Variants in LINGO2 observed in about 807,000 individuals in gnomAD.
LINGO2 encodes leucine-rich repeat and immunoglobulin-like domain-containing nogo receptor-interacting protein 2.
A neutral mutation model predicts 30.6 loss-of-function variants in LINGO2; 14 were observed. That is an observed-to-expected ratio of 0.46 (90% CI 0.30 to 0.72). The LOEUF is 0.72. Among genes scored for constraint, LINGO2 ranks in the 30% least tolerant of loss-of-function variants. The probability of loss-of-function intolerance (pLI) is 0.07; values close to 1 mark genes in which losing one functional copy is unlikely to be tolerated. For synonymous variants in LINGO2, 317 were observed against 288.5 expected (o/e 1.10, Z -1.00); for missense variants, 729 against 751.7 (o/e 0.97, Z 0.35).
chr9:28,301,564 C>T (rs1587421696), intron 3 of LINGO2, among the ~76,000 whole-genome samples: 1 of 152,114 alleles, frequency 6.6e-6, no homozygotes, highest in African/African-American at 2.4e-5. Flanking sequence ...CTAGATTACA[C>T]TTAGACACAC....
chr9:28,610,267 G>A (rs1825860360), intron 1 of LINGO2, among the ~76,000 whole-genome samples: 1 of 152,076 alleles, frequency 6.6e-6, no homozygotes, highest in East Asian at 1.9e-4. Flanking sequence ...AGTAAATGAA[G>A]GCAGGAAAAT....
chr9:29,092,366 G>T, the LINGO2 span, among the ~76,000 whole-genome samples: 1 of 151,892 alleles, frequency 6.6e-6, no homozygotes, highest in Non-Finnish European at 1.5e-5. Flanking sequence ...CCCAAAAAAG[G>T]ATATTCTACA....
the LINGO2 span, among the ~76,000 whole-genome samples, chr9:28,717,172 G>T: frequency 6.6e-6 from 1 of 151,860 alleles, no homozygotes; most frequent in East Asian, 1.9e-4. Flanking sequence ...GAAAACTGCA[G>T]ACTAATGGCT....
chr9:28,785,038 T>C, the LINGO2 span, among the ~76,000 whole-genome samples: 2 of 152,044 alleles, frequency 1.3e-5, no homozygotes, highest in East Asian at 3.9e-4. Flanking sequence ...ATGTGGATTG[T>C]TCTACATACA....
intron 3 of LINGO2, among the ~76,000 whole-genome samples, chr9:28,346,637 T>G (rs570862766): frequency 1.3e-5 from 2 of 152,328 alleles, no homozygotes; most frequent in East Asian, 1.9e-4. Flanking sequence ...ATGGTTGAAC[T>G]AATTTATAAT....
At position 28,191,197 on chromosome 9, in the gene LINGO2, A is replaced by T. The variant is rs551406212; in HGVS notation, c.-87+104011T>A. Among the ~76,000 whole-genome samples, 4 of 152,340 alleles carry T rather than the reference A, an allele frequency of 2.6e-5. No homozygotes were observed. In the South Asian group the frequency reaches 8.3e-4, roughly 32 times the overall value. On this transcript the variant is annotated intron_variant, in intron 4 of 5. Coordinates refer to ENST00000379992, the Ensembl canonical transcript of LINGO2. The stretch of plus-strand genomic sequence containing the variant: ...AGGCAAGCTGGGCTTTCTGACAAGA[A>T]ACATTTTTGTGTAAAAATAAATGAA...
At chr9:28,869,879 C>T in the LINGO2 span, among the ~76,000 whole-genome samples, 1 of 151,940 alleles carries the variant, frequency 6.6e-6, no homozygotes, top group Non-Finnish European at 1.5e-5. Flanking sequence ...TCGTTTTACA[C>T]CCTACCCTGC....
At chr9:28,708,260 G>T in the LINGO2 span, among the ~76,000 whole-genome samples, 1 of 152,082 alleles carries the variant, frequency 6.6e-6, no homozygotes, top group African/African-American at 2.4e-5. Flanking sequence ...GAAAAGCACA[G>T]AATTCAGCTA....
chr9:27,949,220 G>T lies in LINGO2; in HGVS notation c.1452C>A (p.Ile484=), dbSNP rs150860330. ...TATCATTCCCAGCAGCATTGCTAGC[G>T]ATGCAAACATACATCCCGCTGTCTT... The change falls in exon 6 of 6, where the codon ATC becomes ATA. Residue 484 remains isoleucine (I), a synonymous_variant. Transcript: ENST00000379992. 1.9e-6 allele frequency: 3 copies of T among 1,613,920 alleles called. No homozygotes were observed. The African/African-American group carries it at 4.0e-5, about 22-fold the overall frequency.
chr9:29,167,656 T>C, the LINGO2 span, among the ~76,000 whole-genome samples: 9 of 152,122 alleles, frequency 5.9e-5, no homozygotes, highest in African/African-American at 2.2e-4. Flanking sequence ...CTTAAAGCCA[T>C]TAGAATCCTG....
the LINGO2 span, among the ~76,000 whole-genome samples, chr9:29,054,914 C>T: frequency 2.6e-5 from 4 of 151,982 alleles, no homozygotes; most frequent in Non-Finnish European, 5.9e-5. Flanking sequence ...AACTAGACTT[C>T]GATCTTTTAA....
chr9:28,670,837 A>G (rs1041495057), upstream of LINGO2, among the ~76,000 whole-genome samples: 1 of 152,134 alleles, frequency 6.6e-6, no homozygotes. Flanking sequence ...ATCATTTCCT[A>G]CATTTTATGA....
intron 2 of LINGO2, among the ~76,000 whole-genome samples, chr9:28,451,780 G>A (rs1006003059): frequency 6.6e-6 from 1 of 151,668 alleles, no homozygotes; most frequent in Non-Finnish European, 1.5e-5. Context: ...GCTACACCCA[G>A]TAGCCTACTA....
chr9:28,182,755 G>C (rs1367463787), intron 4 of LINGO2, among the ~76,000 whole-genome samples: 1 of 152,164 alleles, frequency 6.6e-6, no homozygotes, highest in Non-Finnish European at 1.5e-5. Flanking sequence ...ACCAAAATGA[G>C]ATACCATTCT....
intron 4 of LINGO2, among the ~76,000 whole-genome samples, chr9:28,072,977 TC>T (rs1253701355): frequency 2.0e-5 from 3 of 152,060 alleles, no homozygotes; most frequent in African/African-American, 7.2e-5. Flanking sequence ...TGGTTTGATA[TC>T]CGCTTAAGCT....
At chr9:29,042,037 A>T in the LINGO2 span, among the ~76,000 whole-genome samples, 2 of 152,040 alleles carry the variant, frequency 1.3e-5, no homozygotes, top group African/African-American at 4.8e-5. Context: ...ATAAACACAT[A>T]TAGATGCATT....
At chr9:28,877,225 T>A in the LINGO2 span, among the ~76,000 whole-genome samples, 1 of 151,906 alleles carries the variant, frequency 6.6e-6, no homozygotes, top group Non-Finnish European at 1.5e-5. Context: ...GATGGTAGTT[T>A]CTTTTGCTGT....
At chr9:28,468,962 T>G in intron 2 of LINGO2, among the ~76,000 whole-genome samples, 1 of 152,074 alleles carries the variant, frequency 6.6e-6, no homozygotes, top group East Asian at 1.9e-4. Context: ...AAACTGTCTC[T>G]AAAGAAACAC....
chr9:28,654,996 C>T (rs1828269142), intron 1 of LINGO2, among the ~76,000 whole-genome samples: 2 of 152,006 alleles, frequency 1.3e-5, no homozygotes, highest in African/African-American at 4.8e-5. Flanking sequence ...AGCTACTATT[C>T]ATAAAACATT....
Sources: gnomAD v4.1 joint callset for allele counts (sites outside exome capture counted in the v4.1 genomes callset) on GRCh38, gnomAD v4.1.1 for gene constraint, MANE v1.5 for transcripts, NCBI Gene and HGNC (gene_info 2026-07-23, HGNC 2026-07-21) for gene names.